Variants in FAM149A observed in about 807,000 individuals in gnomAD.
FAM149A encodes protein FAM149A.
In FAM149A, 71 loss-of-function variants were observed where a neutral mutation model predicts 78.2. The ratio of observed to expected loss-of-function variants is 0.91; its 90% CI spans 0.75 to 1.11. The LOEUF is 1.11. FAM149A is among the 50% of genes least tolerant of loss of function. FAM149A has a pLI of 0.00. For missense variants in FAM149A, 1,036 were observed against 971.0 expected (o/e 1.07, Z -0.89); for synonymous variants, 446 against 410.5 (o/e 1.09, Z -1.04).
At chr4:186,166,447 G>A (rs558101933) in intron 11 of FAM149A, among the ~76,000 whole-genome samples, 4 of 152,152 alleles carry the variant, frequency 2.6e-5, no homozygotes, top group Admixed American at 2.0e-4. Flanking sequence ...GCAAGAGTTC[G>A]AGACCAGCCT....
chr4:186,154,665 C>T, intron 6 of FAM149A, 27 bp downstream of exon 6: 3 of 1,588,582 alleles, frequency 1.9e-6, no homozygotes, highest in Non-Finnish European at 1.7e-6. Flanking sequence ...TTGACATTGA[C>T]CTCATAAAAT....
intron 1 of FAM149A, among the ~76,000 whole-genome samples, chr4:186,138,565 C>T (rs7660462): frequency 0.36 from 54,317 of 151,928 alleles, 10,092 homozygotes; most frequent in Middle Eastern, 0.52. Flanking sequence ...GGAGTTGTCA[C>T]GTCTCCTCAG....
chr4:186,143,368 T>C (rs904870483), intron 1 of FAM149A, among the ~76,000 whole-genome samples: 2 of 149,828 alleles, frequency 1.3e-5, no homozygotes, highest in African/African-American at 4.9e-5. Flanking sequence ...CTGTGTGGGC[T>C]TAAGATACCA....
Position 186,156,133 on chromosome 4 carries a change from A to C in FAM149A, c.1363A>C (p.Asn455His), listed in dbSNP as rs1337583441. The C allele has an allele frequency of 6.2e-7, 1 of 1,613,578 alleles. No homozygotes were observed. The highest frequency in any genetic ancestry group is 8.5e-7 in the Non-Finnish European group (1 of 1,179,782). ...AGAAGTGTTTGATCACGTCTGGACA[A>C]ATATGGTAGAACTTTTGGAAGAGCT... Residue 455 changes from asparagine (N) to histidine (H), a missense_variant, in exon 7 of 14, where the codon AAT (asparagine) becomes CAT (histidine). Coordinates refer to ENST00000389354, the MANE Select transcript of FAM149A (RefSeq NM_001367768.3).
At position 186,117,485 on chromosome 4, in the gene FAM149A, G is replaced by T. The variant is rs1162531550; in HGVS notation, c.566+11843G>T. ...GAGGCGCGGAGATGATGCTGAACGA[G>T]GGGCGATGTCAGGGGTCTGAGTTCT... is the stretch of plus-strand genomic sequence containing the variant. On this transcript the variant is annotated intron_variant, in intron 1 of 13. Coordinates refer to ENST00000389354, the MANE Select transcript of FAM149A (RefSeq NM_001367768.3). 9 of 985,310 alleles carry T rather than the reference G, an allele frequency of 9.1e-6. No individual in the cohort carries two copies. In the South Asian group the frequency reaches 4.2e-4, roughly 46 times the overall value. The allele number at this position is 985,310 out of a possible 1,614,324, so 61.0% of individuals were successfully genotyped here.
intron 1 of FAM149A, among the ~76,000 whole-genome samples, chr4:186,142,762 A>C (rs2099326366): frequency 6.6e-6 from 1 of 152,160 alleles, no homozygotes; most frequent in South Asian, 2.1e-4. Context: ...AAGCCTTCTT[A>C]GAGCCTCCAC....
In FAM149A at chr4:186,173,965, C is replaced by T. The variant is rs111802109; in HGVS notation, c.*1978C>T. On this transcript the variant is annotated 3_prime_UTR_variant, in exon 14 of 14. Transcript: ENST00000389354. ...ATGTTATAGGGCTGCTGGTTAGGTGCTCTCTGGTGCATCATTACTGCTCAA... is the reference window on the plus strand; with the variant it reads ...ATGTTATAGGGCTGCTGGTTAGGTGTTCTCTGGTGCATCATTACTGCTCAA... 9.0e-6 allele frequency among the ~76,000 whole-genome samples: 1 copy of T among 111,198 alleles called. No individual in the cohort carries two copies. The highest frequency in any genetic ancestry group is 2.3e-5 in the Non-Finnish European group (1 of 44,210). 73.0% of individuals were successfully genotyped at this position (111,198 alleles called of 152,430 possible).
At chr4:186,117,066 G>T (rs2099314042) in intron 1 of FAM149A, among the ~76,000 whole-genome samples, 1 of 151,108 alleles carries the variant, frequency 6.6e-6, no homozygotes, top group East Asian at 2.0e-4. Flanking sequence ...CATAAAATGG[G>T]AATTAATAAT....
intron 7 of FAM149A, 151 bp downstream of exon 7, chr4:186,156,341 C>A: frequency 1.7e-6 from 1 of 591,224 alleles, no homozygotes; most frequent in Non-Finnish European, 2.9e-6. Flanking sequence ...TCTTTAGTCC[C>A]TTCAAAAAGG....
At chr4:186,123,343 C>T in intron 1 of FAM149A, 3 of 985,328 alleles carry the variant, frequency 3.0e-6, no homozygotes, top group Non-Finnish European at 3.6e-6. Flanking sequence ...CTTGTCTGTA[C>T]CTTTATGAGA....
At chr4:186,123,132 C>A in intron 1 of FAM149A, 1 of 722,652 alleles carries the variant, frequency 1.4e-6, no homozygotes, top group Non-Finnish European at 1.7e-6. Context: ...AAACACTGGT[C>A]ATTCTGATGT....
intron 8 of FAM149A, among the ~76,000 whole-genome samples, chr4:186,161,064 A>T (rs1287672371): frequency 6.6e-6 from 1 of 152,222 alleles, no homozygotes; most frequent in Non-Finnish European, 1.5e-5. Context: ...ATATATTAAT[A>T]GTCTATATAA....
chr4:186,123,847 T>C (rs1040246613), intron 1 of FAM149A: 7 of 983,788 alleles, frequency 7.1e-6, no homozygotes, highest in Non-Finnish European at 8.4e-6. Flanking sequence ...ATAGAATAGT[T>C]AAGCAGCAAA....
At chr4:186,158,465 A>C in intron 8 of FAM149A, 1 of 1,123,522 alleles carries the variant, frequency 8.9e-7, no homozygotes, top group Non-Finnish European at 1.1e-6. Context: ...CACCCATGGG[A>C]GTCCACGCCT....
chr4:186,126,913 T>G, intron 1 of FAM149A: 1 of 985,374 alleles, frequency 1.0e-6, no homozygotes, highest in Non-Finnish European at 1.2e-6. Flanking sequence ...ATGGGCGGTG[T>G]ATCACAATTC....
At chr4:186,145,188 G>T in intron 1 of FAM149A, 2 of 977,048 alleles carry the variant, frequency 2.0e-6, no homozygotes, top group Non-Finnish European at 2.4e-6. Context: ...CCGCCCGCGG[G>T]CCGGCTGCGT....
intron 10 of FAM149A, 111 bp from the exon 11 acceptor site, chr4:186,165,233 C>T (rs1183331748): frequency 4.6e-5 from 54 of 1,181,122 alleles, no homozygotes; most frequent in Non-Finnish European, 6.8e-5. Context: ...TCAAAGACCT[C>T]CTGTGTGCCC....
At chr4:186,136,968 C>T (rs867961812) in intron 1 of FAM149A, among the ~76,000 whole-genome samples, 1,356 of 78,224 alleles carry the variant, frequency 0.017, 30 homozygotes, top group Non-Finnish European at 0.025. Context: ...CTCTCTTTCT[C>T]TCTCTCTTTC....
chr4:186,164,340 G>A lies in FAM149A; in HGVS notation c.1889+707G>A, dbSNP rs373984717. ...GCTAAGCCTGCCGGAGATCATCCCC[G>A]CCAGGAAGAGGCCCAGCCGGACACA... On this transcript the variant is annotated intron_variant, in intron 10 of 13. Coordinates refer to ENST00000389354, the MANE Select transcript of FAM149A (RefSeq NM_001367768.3). This position sits in a 1 kb window ranked among gnomAD's most constrained non-coding sequence, Gnocchi z 4.0. 7.9e-5 allele frequency: 26 copies of A among 327,276 alleles called. No individual in the cohort carries two copies. In the South Asian group the frequency reaches 1.7e-3, roughly 21 times the overall value. The allele number at this position is 327,276 out of a possible 1,614,324, so 20.3% of individuals were successfully genotyped here.
Sources: gnomAD v4.1 joint callset for allele counts (sites outside exome capture counted in the v4.1 genomes callset) on GRCh38, gnomAD v4.1.1 for gene constraint, Gnocchi (gnomAD v3.1) non-coding constraint, MANE v1.5 for transcripts, NCBI Gene and HGNC (gene_info 2026-07-23, HGNC 2026-07-21) for gene names.